Variants in DLEU7 observed in about 807,000 individuals in gnomAD.
The protein encoded by DLEU7 is leukemia-associated protein 7.
Under a neutral mutation model 16.0 loss-of-function variants are expected in DLEU7, and 17 were observed. The ratio of observed to expected loss-of-function variants is 1.06; its 90% CI spans 0.73 to 1.59. The LOEUF (loss-of-function observed/expected upper bound fraction) is 1.59, where lower values mean the gene tolerates loss of function less well. Ranked by LOEUF, DLEU7 falls within the 40% of genes most tolerant of loss-of-function variation. The pLI, the probability that DLEU7 is intolerant of heterozygous loss-of-function variation, is 0.00. For synonymous variants in DLEU7, 113 were observed against 139.8 expected (o/e 0.81, Z 1.35); for missense variants, 308 against 314.9 (o/e 0.98, Z 0.17).
intron 1 of DLEU7, among the ~76,000 whole-genome samples, chr13:50,754,047 T>A (rs1172800954): frequency 6.6e-6 from 1 of 152,250 alleles, no homozygotes; most frequent in Admixed American, 6.5e-5. Flanking sequence ...GTGCTTGATA[T>A]AATTTCAATT....
intron 1 of DLEU7, among the ~76,000 whole-genome samples, chr13:50,771,811 G>T (rs910601766): frequency 1.3e-5 from 2 of 152,018 alleles, no homozygotes; most frequent in African/African-American, 4.8e-5. Context: ...TCAAGTCCTG[G>T]GTATCCTTGT....
At chr13:50,808,242 C>A (rs1196884740) in intron 1 of DLEU7, among the ~76,000 whole-genome samples, 1 of 152,172 alleles carries the variant, frequency 6.6e-6, no homozygotes, top group Non-Finnish European at 1.5e-5. Context: ...GGGGCCATAA[C>A]ATTATCAATC....
intron 1 of DLEU7, among the ~76,000 whole-genome samples, chr13:50,764,825 T>C (rs1291927255): frequency 2.6e-5 from 4 of 152,206 alleles, no homozygotes; most frequent in Admixed American, 2.6e-4. Flanking sequence ...TAATTAAGAA[T>C]ACTGAAGAAT....
chr13:50,762,487 C>T (rs1207660735), intron 1 of DLEU7, among the ~76,000 whole-genome samples: 1 of 152,168 alleles, frequency 6.6e-6, no homozygotes, highest in African/African-American at 2.4e-5. Flanking sequence ...CTGGCTGCTG[C>T]CTCACTATTA....
At chr13:50,801,274 A>T (rs551488146) in intron 1 of DLEU7, among the ~76,000 whole-genome samples, 1 of 152,204 alleles carries the variant, frequency 6.6e-6, no homozygotes, top group East Asian at 1.9e-4. Flanking sequence ...CTGAAGCTGC[A>T]TAACTACACC....
At chr13:50,783,201 C>T (rs1353772816) in intron 1 of DLEU7, among the ~76,000 whole-genome samples, 1 of 152,196 alleles carries the variant, frequency 6.6e-6, no homozygotes, top group African/African-American at 2.4e-5. Context: ...AGCAGCAAAT[C>T]ACTCATTTAA....
intron 1 of DLEU7, among the ~76,000 whole-genome samples, chr13:50,756,376 C>A (rs1054385415): frequency 6.6e-6 from 1 of 152,154 alleles, no homozygotes; most frequent in Non-Finnish European, 1.5e-5. Context: ...GACTCTCCTT[C>A]GATGGGTCTT....
Position 50,843,478 on chromosome 13 carries a change from G to T in DLEU7, c.169C>A (p.Pro57Thr). Residue 57 changes from proline (P) to threonine (T), a missense_variant, in exon 1 of 2, where the codon CCG becomes ACG. Pro to Thr is a conservative substitution (Grantham distance 38). Coordinates refer to ENST00000504404, the MANE Select transcript of DLEU7 (RefSeq NM_001306135.2). This position sits in a 1 kb window ranked among gnomAD's most constrained non-coding sequence, Gnocchi z 5.7. ...CGCCCGGGCCCCGGCCGGGCCCGCG[G>T]CGGGCCTGAGCGACGGGCTGGAGCG... is the stretch of plus-strand genomic sequence containing the variant. ...STAPARRSGP[P>T]RARPGPGREE... 7.5e-7 allele frequency: 1 copy of T among 1,340,358 alleles called. No homozygotes were observed. Among genetic ancestry groups the T allele is most frequent in the Non-Finnish European group, 9.5e-7 (1 of 1,053,680 alleles). The allele number at this position is 1,340,358 out of a possible 1,614,324, so 83.0% of individuals were successfully genotyped here.
At position 50,823,402 on chromosome 13, in the gene DLEU7, A is replaced by T. The variant is rs912475333; in HGVS notation, c.578T>A (p.Ile193Asn). The T allele has an allele frequency of 2.3e-4, 359 of 1,535,810 alleles. 1 individual carries two copies. Among genetic ancestry groups the T allele is most frequent in the Admixed American group, 7.3e-4 (37 of 50,974 alleles). Reference protein sequence around the residue: ...QCLKTIVKKLIQSLANFPSDA... With the variant: ...QCLKTIVKKLNQSLANFPSDA... Reference sequence around the variant, plus strand: ...TGAAGGAAAATTAGCAAGTGACTGAATCAGCTTCTTGACTATTGTCTTCAA... The same window carrying T: ...TGAAGGAAAATTAGCAAGTGACTGATTCAGCTTCTTGACTATTGTCTTCAA... The change falls in exon 2 of 2, where the codon ATT becomes AAT. Residue 193 changes from isoleucine (I) to asparagine (N), a missense_variant. Coordinates refer to ENST00000504404, the MANE Select transcript of DLEU7 (RefSeq NM_001306135.2).
At chr13:50,819,962 A>C (rs891518286), downstream of DLEU7, among the ~76,000 whole-genome samples, 3 of 152,188 alleles carry the variant, frequency 2.0e-5, no homozygotes, top group African/African-American at 7.2e-5. Context: ...TAAGAAATCA[A>C]GAGATGTGGA....
intron 1 of DLEU7, among the ~76,000 whole-genome samples, chr13:50,784,731 G>T (rs1875752408): frequency 6.6e-6 from 1 of 152,120 alleles, no homozygotes; most frequent in Admixed American, 6.5e-5. Flanking sequence ...GGACCATCTG[G>T]GTTCTTTCTC....
At chr13:50,822,722 T>C, downstream of DLEU7, 1 of 985,284 alleles carries the variant, frequency 1.0e-6, no homozygotes, top group Non-Finnish European at 1.2e-6. Flanking sequence ...GTTTTTAAAT[T>C]AGTATATAAA....
chr13:50,843,146 G>A lies in DLEU7; in HGVS notation c.459+42C>T, dbSNP rs1416911545. 10 of 1,553,148 alleles carry A rather than the reference G, an allele frequency of 6.4e-6. No homozygotes were observed. Among genetic ancestry groups the A allele is most frequent in the Non-Finnish European group, 8.7e-6 (10 of 1,150,458 alleles). On this transcript the variant is annotated intron_variant, in intron 1 of 1. Transcript: ENST00000504404. This position sits in a 1 kb window ranked among gnomAD's most constrained non-coding sequence, Gnocchi z 5.7. The stretch of plus-strand genomic sequence containing the variant: ...CAGCCCCACCCTTGGAGGATGGGAG[G>A]TTACCCTGCACGCCAGAGGGGATGG...
intron 1 of DLEU7, among the ~76,000 whole-genome samples, chr13:50,721,754 A>G (rs1346580408): frequency 6.6e-6 from 1 of 152,220 alleles, no homozygotes; most frequent in Non-Finnish European, 1.5e-5. Flanking sequence ...CTTGCAAGGC[A>G]GCACTAGAAA....
At chr13:50,763,804 C>T (rs1047380046) in intron 1 of DLEU7, among the ~76,000 whole-genome samples, 2 of 152,174 alleles carry the variant, frequency 1.3e-5, no homozygotes, top group African/African-American at 4.8e-5. Context: ...TGACCAGAAG[C>T]CAACCCCATC....
chr13:50,772,317 GC>G (rs1174762731), intron 1 of DLEU7, among the ~76,000 whole-genome samples: 1 of 152,132 alleles, frequency 6.6e-6, no homozygotes, highest in Non-Finnish European at 1.5e-5. Context: ...TATGATGTTA[GC>G]TGGTTATTTT....
At chr13:50,781,642 T>C (rs1358777391) in intron 1 of DLEU7, among the ~76,000 whole-genome samples, 2 of 152,314 alleles carry the variant, frequency 1.3e-5, no homozygotes, top group East Asian at 3.9e-4. Flanking sequence ...TGGCTCCTTA[T>C]CATCTGTGGC....
chr13:50,793,499 A>G (rs1876026010), intron 1 of DLEU7, among the ~76,000 whole-genome samples: 1 of 152,234 alleles, frequency 6.6e-6, no homozygotes, highest in South Asian at 2.1e-4. Flanking sequence ...TTTTCTCTGC[A>G]GCCTCACTAA....
intron 1 of DLEU7, among the ~76,000 whole-genome samples, chr13:50,799,257 T>G (rs1271277684): frequency 6.6e-6 from 1 of 152,208 alleles, no homozygotes; most frequent in Non-Finnish European, 1.5e-5. Context: ...AATCACAATC[T>G]GGACTCACTG....
Sources: allele counts gnomAD v4.1 joint callset (sites outside exome capture counted in the v4.1 genomes callset), GRCh38; gene constraint gnomAD v4.1.1; non-coding constraint Gnocchi (gnomAD v3.1); transcripts MANE v1.5; gene names NCBI Gene and HGNC (gene_info 2026-07-23, HGNC 2026-07-21).